The following TAS2R1 variants were observed in gnomAD, a reference collection of about 807,000 sequenced individuals.
TAS2R1 encodes the protein taste 2 receptor member 1.
For missense variants in TAS2R1, 370 were observed against 353.4 expected (o/e 1.05, Z -0.38); for synonymous variants, 141 against 134.2 (o/e 1.05, Z -0.35).
chr5:9,857,146 G>A, the TAS2R1 span, among the ~76,000 whole-genome samples: 3 of 152,194 alleles, frequency 2.0e-5, no homozygotes, highest in Non-Finnish European at 4.4e-5. Flanking sequence ...GTTGGGAAGG[G>A]AAGTGAGAAG....
intron 2 of TAS2R1, among the ~76,000 whole-genome samples, chr5:9,640,102 C>A (rs775318749): frequency 5.3e-5 from 8 of 152,066 alleles, no homozygotes; most frequent in Non-Finnish European, 1.2e-4. Flanking sequence ...AAGAGACAGG[C>A]AACTCTTCCT....
At chr5:9,637,911 T>C (rs1330760826) in intron 2 of TAS2R1, among the ~76,000 whole-genome samples, 1 of 152,238 alleles carries the variant, frequency 6.6e-6, no homozygotes, top group African/African-American at 2.4e-5. Context: ...TCTTCTGAAT[T>C]CTTTATCTGG....
chr5:9,702,530 G>A (rs1008387511), intron 1 of TAS2R1, among the ~76,000 whole-genome samples: 2 of 152,152 alleles, frequency 1.3e-5, no homozygotes, highest in Non-Finnish European at 2.9e-5. Context: ...GAAAGTCATA[G>A]ATAAAGACTG....
chr5:9,813,565 T>C, the TAS2R1 span, among the ~76,000 whole-genome samples: 3 of 152,284 alleles, frequency 2.0e-5, no homozygotes, highest in East Asian at 5.8e-4. Flanking sequence ...ACTGCACCCC[T>C]CTGGACTGTT....
chr5:9,769,700 T>G, the TAS2R1 span, among the ~76,000 whole-genome samples: 16 of 152,188 alleles, frequency 1.1e-4, no homozygotes, highest in Non-Finnish European at 1.8e-4. Context: ...TGTTTATCAC[T>G]TGTATGTCTT....
the TAS2R1 span, among the ~76,000 whole-genome samples, chr5:9,826,595 A>G: frequency 6.6e-6 from 1 of 152,216 alleles, no homozygotes; most frequent in South Asian, 2.1e-4. Flanking sequence ...TCCACTTAAT[A>G]CAGGTTAGGG....
At chr5:9,649,085 T>TACA (rs1246602849) in intron 2 of TAS2R1, among the ~76,000 whole-genome samples, 15 of 152,336 alleles carry the variant, frequency 9.8e-5, no homozygotes, top group African/African-American at 3.6e-4. Flanking sequence ...GGAGGTATTT[T>TACA]ACAACTAACA....
At chr5:9,863,264 ATTT>A in the TAS2R1 span, among the ~76,000 whole-genome samples, 425 of 126,488 alleles carry the variant, frequency 3.4e-3, 3 homozygotes, top group African/African-American at 0.012. Flanking sequence ...AGACCCAAAG[ATTT>A]TTTTTTTTTT....
chr5:9,756,271 C>A, the TAS2R1 span, among the ~76,000 whole-genome samples: 2 of 152,104 alleles, frequency 1.3e-5, no homozygotes, highest in African/African-American at 2.4e-5. Flanking sequence ...CAGAGTAAAA[C>A]AAAAATTATC....
chr5:9,799,685 CAAG>C, the TAS2R1 span, among the ~76,000 whole-genome samples: 1 of 152,148 alleles, frequency 6.6e-6, no homozygotes, highest in South Asian at 2.1e-4. Context: ...TTAAGTCAAA[CAAG>C]AAGAAGAGAA....
At chr5:9,782,617 C>A in the TAS2R1 span, among the ~76,000 whole-genome samples, 1 of 152,248 alleles carries the variant, frequency 6.6e-6, no homozygotes, top group Non-Finnish European at 1.5e-5. Context: ...TGGTCTCCAG[C>A]TGCAGGGACC....
At chr5:9,717,235 C>T (rs555368411), upstream of TAS2R1, among the ~76,000 whole-genome samples, 1 of 152,198 alleles carries the variant, frequency 6.6e-6, no homozygotes, top group South Asian at 2.1e-4. Flanking sequence ...AAGGGGTGGC[C>T]TCAGAACATA....
the TAS2R1 span, among the ~76,000 whole-genome samples, chr5:9,781,838 A>C: frequency 6.6e-6 from 1 of 152,044 alleles, no homozygotes; most frequent in Non-Finnish European, 1.5e-5. Context: ...CTCTCCATCC[A>C]TCATCCCTGC....
At chr5:9,651,358 T>A (rs1740302145) in intron 2 of TAS2R1, among the ~76,000 whole-genome samples, 1 of 152,122 alleles carries the variant, frequency 6.6e-6, no homozygotes, top group Admixed American at 6.6e-5. Flanking sequence ...ATGAAGGGAG[T>A]TGCGGGCTTG....
the TAS2R1 span, among the ~76,000 whole-genome samples, chr5:9,890,595 T>A: frequency 6.6e-6 from 1 of 152,372 alleles, no homozygotes; most frequent in Admixed American, 6.5e-5. Context: ...CAGTCTGATT[T>A]GTTCTCTTAA....
the TAS2R1 span, among the ~76,000 whole-genome samples, chr5:9,847,088 C>T: frequency 6.6e-6 from 1 of 152,226 alleles, no homozygotes; most frequent in Non-Finnish European, 1.5e-5. Context: ...TATAGGCAGA[C>T]ACTTACAGGA....
chr5:9,729,161 C>A, the TAS2R1 span, among the ~76,000 whole-genome samples: 5 of 152,216 alleles, frequency 3.3e-5, no homozygotes, highest in Non-Finnish European at 7.3e-5. Flanking sequence ...ACAGCCCAGG[C>A]TGGCCACAAT....
At chr5:9,900,948 T>C in the TAS2R1 span, among the ~76,000 whole-genome samples, 2 of 152,166 alleles carry the variant, frequency 1.3e-5, no homozygotes, top group African/African-American at 2.4e-5. Flanking sequence ...AACAGAGCAG[T>C]TGATCAGGAA....
the TAS2R1 span, among the ~76,000 whole-genome samples, chr5:9,836,812 G>A: frequency 1.3e-5 from 2 of 152,202 alleles, no homozygotes; most frequent in African/African-American, 4.8e-5. Context: ...GGGAGGACAA[G>A]GCTTATACTT....
Sources: gnomAD v4.1 joint callset for allele counts (sites outside exome capture counted in the v4.1 genomes callset) on GRCh38, gnomAD v4.1.1 for gene constraint, MANE v1.5 for transcripts, NCBI Gene and HGNC (gene_info 2026-07-23, HGNC 2026-07-21) for gene names.